NRCAM: variants seen among roughly 807,000 people sequenced by gnomAD.
NRCAM encodes the protein neuronal cell adhesion molecule.
A neutral mutation model predicts 156.5 loss-of-function variants in NRCAM; 83 were observed. That is an observed-to-expected ratio of 0.53 (90% confidence interval 0.44 to 0.64). NRCAM has a LOEUF of 0.64. Among genes scored for constraint, NRCAM ranks in the 30% least tolerant of loss-of-function variants. NRCAM has a pLI of 0.00. For synonymous variants in NRCAM, 538 were observed against 563.9 expected (o/e 0.95, Z 0.65); for missense variants, 1,417 against 1,597.3 (o/e 0.89, Z 1.92).
At chr7:108,193,956 T>G in intron 17 of NRCAM, 68 bp downstream of exon 17, 1 of 1,489,194 alleles carries the variant, frequency 6.7e-7, no homozygotes, top group Non-Finnish European at 9.2e-7. Context: ...GACTACATAG[T>G]AGACCTTTAG....
intron 2 of NRCAM, among the ~76,000 whole-genome samples, chr7:108,388,895 C>A (rs1318920570): frequency 6.7e-6 from 1 of 150,248 alleles, no homozygotes; most frequent in African/African-American, 2.5e-5. Flanking sequence ...ATTCTGAGGG[C>A]TCTGTTCTGT....
intron 13 of NRCAM, among the ~76,000 whole-genome samples, chr7:108,198,505 G>GA (rs981661091): frequency 2.2e-4 from 33 of 151,490 alleles, no homozygotes; most frequent in African/African-American, 8.0e-4. Context: ...GAGAGATGCA[G>GA]AAAAAAAACT....
intron 2 of NRCAM, among the ~76,000 whole-genome samples, chr7:108,374,203 A>G (rs2099650422): frequency 6.6e-6 from 1 of 152,194 alleles, no homozygotes; most frequent in Non-Finnish European, 1.5e-5. Context: ...CTCTGAAGCT[A>G]GAAGAAAACA....
At chr7:108,177,685 G>GTATA (rs1437249227) in intron 26 of NRCAM, among the ~76,000 whole-genome samples, 5 of 17,414 alleles carry the variant, frequency 2.9e-4, no homozygotes, top group African/African-American at 3.7e-4. Flanking sequence ...ATATATACGT[G>GTATA]TATATATATA....
intron 11 of NRCAM, among the ~76,000 whole-genome samples, chr7:108,222,667 G>A (rs73725387): frequency 0.03 from 4,588 of 152,076 alleles, 213 homozygotes; most frequent in African/African-American, 0.11. Context: ...TTCCTGCCTC[G>A]GCCAGCGGAG....
chr7:108,182,104 ATTTTTT>A (rs5886443), intron 23 of NRCAM, among the ~76,000 whole-genome samples, 167 bp from the exon 24 acceptor site: 1 of 150,226 alleles, frequency 6.7e-6, no homozygotes, highest in African/African-American at 2.5e-5. Flanking sequence ...TTTGTGAGAG[ATTTTTT>A]TTTTTTAAGA....
At chr7:108,308,276 A>G (rs1208773930) in intron 3 of NRCAM, among the ~76,000 whole-genome samples, 1 of 152,208 alleles carries the variant, frequency 6.6e-6, no homozygotes, top group Non-Finnish European at 1.5e-5. Flanking sequence ...ATTAAAGTCT[A>G]TGGGTCACGA....
At chr7:108,431,367 C>A (rs1824908368) in intron 1 of NRCAM, among the ~76,000 whole-genome samples, 1 of 152,240 alleles carries the variant, frequency 6.6e-6, no homozygotes, top group African/African-American at 2.4e-5. Flanking sequence ...TTTGGGAAAT[C>A]TAGACCTTGC....
intron 2 of NRCAM, among the ~76,000 whole-genome samples, chr7:108,332,502 A>G (rs1449959841): frequency 6.6e-6 from 1 of 152,228 alleles, no homozygotes; most frequent in East Asian, 1.9e-4. Context: ...CTTACCACTC[A>G]TGTCCCTCCT....
At chr7:108,385,818 A>G (rs183647752) in intron 2 of NRCAM, among the ~76,000 whole-genome samples, 228 of 151,894 alleles carry the variant, frequency 1.5e-3, no homozygotes, top group African/African-American at 4.8e-3. Flanking sequence ...GAGAATAAGT[A>G]AGTATATCTT....
intron 3 of NRCAM, among the ~76,000 whole-genome samples, chr7:108,308,077 T>C (rs2098745268): frequency 6.6e-6 from 1 of 152,234 alleles, no homozygotes; most frequent in Non-Finnish European, 1.5e-5. Flanking sequence ...ATTCTGGTGA[T>C]AAGAATGCTG....
At chr7:108,215,879 C>A (rs560862402) in intron 11 of NRCAM, among the ~76,000 whole-genome samples, 1 of 152,042 alleles carries the variant, frequency 6.6e-6, no homozygotes, top group Non-Finnish European at 1.5e-5. Flanking sequence ...TGCCAGCCTG[C>A]GTCTTTTAAT....
At chr7:108,301,603 A>G (rs1392366378) in intron 3 of NRCAM, among the ~76,000 whole-genome samples, 2 of 151,928 alleles carry the variant, frequency 1.3e-5, no homozygotes, top group Non-Finnish European at 2.9e-5. Flanking sequence ...GGTGTTTCAG[A>G]TTTTTTTTCT....
chr7:108,439,311 A>G (rs992007637), intron 1 of NRCAM, among the ~76,000 whole-genome samples: 3 of 152,230 alleles, frequency 2.0e-5, no homozygotes, highest in African/African-American at 7.2e-5. Flanking sequence ...AACCCACAAA[A>G]TAGGAGAAAC....
chr7:108,421,457 A>C (rs1490541008), intron 1 of NRCAM, among the ~76,000 whole-genome samples: 2 of 152,214 alleles, frequency 1.3e-5, no homozygotes, highest in Non-Finnish European at 2.9e-5. Context: ...CCAATGAGAA[A>C]TGTAATTCAA....
chr7:108,177,439 T>C lies in NRCAM; in HGVS notation c.2974+551A>G, dbSNP rs564423905. 5.9e-4 allele frequency among the ~76,000 whole-genome samples: 90 copies of C among 152,030 alleles called. No homozygotes were observed. In the South Asian group the frequency reaches 8.7e-3, roughly 15 times the overall value. On this transcript the variant is annotated intron_variant, in intron 26 of 32. Coordinates refer to ENST00000379028, the MANE Select transcript of NRCAM (RefSeq NM_001037132.4). ...GAGATCAAGACCATCCTGGCTAACA[T>C]GGTGAAACCCCGTCTCTACTAAAAA...
intron 1 of NRCAM, among the ~76,000 whole-genome samples, chr7:108,452,202 T>C (rs747464487): frequency 7.2e-5 from 11 of 152,102 alleles, no homozygotes; most frequent in Middle Eastern, 3.2e-3. Flanking sequence ...AAGCAGAGAG[T>C]AGAATGGTGA....
intron 11 of NRCAM, among the ~76,000 whole-genome samples, chr7:108,218,219 G>T (rs1219962570): frequency 1.3e-5 from 2 of 151,458 alleles, no homozygotes; most frequent in Non-Finnish European, 2.9e-5. Flanking sequence ...CCTGAGTGAG[G>T]TGACACCCCC....
chr7:108,159,565 AT>A, intron 31 of NRCAM, 24 bp from the exon 32 acceptor site: 1 of 1,553,514 alleles, frequency 6.4e-7, no homozygotes, highest in Non-Finnish European at 8.9e-7. Flanking sequence ...AAATGGTATT[AT>A]TATCTGTTGA....
Sources: gnomAD v4.1 joint callset for allele counts (sites outside exome capture counted in the v4.1 genomes callset) on GRCh38, gnomAD v4.1.1 for gene constraint, MANE v1.5 for transcripts, NCBI Gene and HGNC (gene_info 2026-07-23, HGNC 2026-07-21) for gene names.